Variants in EPB41L5 observed in about 807,000 individuals in gnomAD.
EPB41L5 encodes the protein erythrocyte membrane protein band 4.1 like 5.
A neutral mutation model predicts 106.6 loss-of-function variants in EPB41L5; 55 were observed. The observed-to-expected ratio is 0.52, with a 90% CI of 0.42 to 0.65. The LOEUF (loss-of-function observed/expected upper bound fraction) is 0.65, where lower values mean the gene tolerates loss of function less well. Ranked by LOEUF, EPB41L5 falls within the 30% of genes least tolerant of loss-of-function variation. The pLI is 0.00. For synonymous variants in EPB41L5, 297 were observed against 306.7 expected (o/e 0.97, Z 0.33); for missense variants, 871 against 882.1 (o/e 0.99, Z 0.16).
chr2:120,140,359 CTGATG>C (rs1259166975), intron 18 of EPB41L5, among the ~76,000 whole-genome samples: 2 of 151,878 alleles, frequency 1.3e-5, no homozygotes, highest in African/African-American at 4.8e-5. Context: ...TCCATTTACC[CTGATG>C]TGATGATTAC....
intron 2 of EPB41L5, among the ~76,000 whole-genome samples, chr2:120,035,617 G>A (rs1269803863): frequency 6.6e-6 from 1 of 152,196 alleles, no homozygotes; most frequent in Non-Finnish European, 1.5e-5. Flanking sequence ...CTGTAGTGCA[G>A]TCTTCACACC....
intron 14 of EPB41L5, among the ~76,000 whole-genome samples, chr2:120,098,832 T>A (rs898027041): frequency 2.0e-5 from 3 of 152,208 alleles, no homozygotes; most frequent in African/African-American, 7.2e-5. Context: ...CAGGTAGCGG[T>A]TTTTTGCTCT....
chr2:120,083,784 C>G (rs1409095754), intron 10 of EPB41L5, among the ~76,000 whole-genome samples: 1 of 152,130 alleles, frequency 6.6e-6, no homozygotes, highest in African/African-American at 2.4e-5. Flanking sequence ...CTGGGTGCTC[C>G]TGTATTGGGT....
At chr2:120,131,224 A>G (rs537891068) in intron 17 of EPB41L5, among the ~76,000 whole-genome samples, 12 of 152,340 alleles carry the variant, frequency 7.9e-5, no homozygotes, top group Admixed American at 6.5e-4. Flanking sequence ...GTCAGGGCCA[A>G]CGAACAAAGA....
intron 2 of EPB41L5, among the ~76,000 whole-genome samples, chr2:120,028,504 C>G (rs886392061): frequency 1.4e-4 from 22 of 152,018 alleles, no homozygotes; most frequent in African/African-American, 5.3e-4. Flanking sequence ...CCACTGCACT[C>G]CCGTGTGGGC....
chr2:120,109,201 C>G (rs2084172), intron 16 of EPB41L5, among the ~76,000 whole-genome samples: 1 of 151,938 alleles, frequency 6.6e-6, no homozygotes, highest in Non-Finnish European at 1.5e-5. Flanking sequence ...CTGCATATAG[C>G]TGGTGAATGT....
At chr2:120,021,991 G>T (rs1418818298) in intron 2 of EPB41L5, among the ~76,000 whole-genome samples, 1 of 151,964 alleles carries the variant, frequency 6.6e-6, no homozygotes, top group African/African-American at 2.4e-5. Context: ...AATTAAATAG[G>T]GTGAGAAGGC....
At chr2:120,049,089 G>A (rs541122895) in intron 3 of EPB41L5, among the ~76,000 whole-genome samples, 1 of 152,170 alleles carries the variant, frequency 6.6e-6, no homozygotes, top group Non-Finnish European at 1.5e-5. Context: ...CAACTATGTG[G>A]TCAGTTTTGG....
chr2:120,084,908 T>C (rs1274003496), intron 10 of EPB41L5, among the ~76,000 whole-genome samples: 1 of 152,236 alleles, frequency 6.6e-6, no homozygotes, highest in African/African-American at 2.4e-5. Context: ...TTTCTTCCAG[T>C]TGATCAAATC....
chr2:120,041,990 T>TCAGAAA lies in EPB41L5; in HGVS notation c.181-16_181-15insCAGAAA. 6.3e-7 allele frequency: 1 copy of TCAGAAA among 1,581,764 alleles called. No homozygotes were observed. Among genetic ancestry groups the TCAGAAA allele is most frequent in the African/African-American group, 1.3e-5 (1 of 74,330 alleles). ...ATAAACCACTTATTGATTTACTTAT[T>TCAGAAA]ATCTTGCCATTTCAGAAAAAAGCCA... is the stretch of plus-strand genomic sequence containing the variant. On this transcript the variant is annotated splice_polypyrimidine_tract_variant and intron_variant, in intron 2 of 24. Transcript: ENST00000263713.
At chr2:120,094,990 T>C (rs1683648777) in intron 14 of EPB41L5, among the ~76,000 whole-genome samples, 1 of 152,222 alleles carries the variant, frequency 6.6e-6, no homozygotes, top group Admixed American at 6.5e-5. Flanking sequence ...AAATAGTTTA[T>C]GTGTACTTAA....
intron 16 of EPB41L5, chr2:120,108,073 C>T (rs2105419709): frequency 6.6e-6 from 1 of 152,012 alleles, no homozygotes; most frequent in Non-Finnish European, 1.5e-5. Flanking sequence ...ACAATTGTTC[C>T]TGTTCTTCCT....
At chr2:120,121,271 G>T (rs1685203528) in intron 16 of EPB41L5, among the ~76,000 whole-genome samples, 1 of 152,108 alleles carries the variant, frequency 6.6e-6, no homozygotes, top group South Asian at 2.1e-4. Context: ...TGATACGTAG[G>T]TATACTTGTG....
intron 16 of EPB41L5, among the ~76,000 whole-genome samples, chr2:120,114,903 T>C (rs1349699041): frequency 6.6e-6 from 1 of 152,236 alleles, no homozygotes; most frequent in Non-Finnish European, 1.5e-5. Context: ...GTTGTCTATC[T>C]CTAAACTTCT....
chr2:120,146,113 T>C, intron 19 of EPB41L5, 112 bp from the exon 20 acceptor site: 4 of 683,190 alleles, frequency 5.9e-6, no homozygotes, highest in Non-Finnish European at 1.0e-5. Context: ...TTACCTCTTA[T>C]TTTAATTAAA....
intron 3 of EPB41L5, among the ~76,000 whole-genome samples, chr2:120,050,469 A>G (rs558604992): frequency 6.6e-6 from 1 of 152,294 alleles, no homozygotes; most frequent in South Asian, 2.1e-4. Context: ...AAGCTTGTGC[A>G]TGCATCACGT....
intron 22 of EPB41L5, 41 bp from the exon 23 acceptor site, chr2:120,167,425 T>A: frequency 6.5e-7 from 1 of 1,543,816 alleles, no homozygotes; most frequent in Non-Finnish European, 9.0e-7. Context: ...AATAAGTCAG[T>A]CTTTCCAAAA....
In EPB41L5 at chr2:120,075,573, A is replaced by T; in HGVS notation, c.452+53A>T. On this transcript the variant is annotated intron_variant, in intron 6 of 24. Transcript: ENST00000263713. ...GCACATTTTCGTGAGTGGTTGAAAA[A>T]TTATTTTGAAAATAAGTTTATAGTT... 8.3e-6 allele frequency: 12 copies of T among 1,443,502 alleles called. No individual in the cohort carries two copies. The South Asian group carries it at 1.4e-4, about 17-fold the overall frequency. 89.4% of individuals were successfully genotyped at this position (1,443,502 alleles called of 1,614,324 possible). A position where few individuals can be genotyped will look rare whatever the true frequency, so the allele number is the denominator to read the frequency against.
At chr2:120,082,587 C>A (rs950930506) in intron 10 of EPB41L5, among the ~76,000 whole-genome samples, 1 of 152,056 alleles carries the variant, frequency 6.6e-6, no homozygotes, top group South Asian at 2.1e-4. Context: ...TGTGTCTCTG[C>A]CAGGCTTTGG....
Sources: gnomAD v4.1 joint callset for allele counts (sites outside exome capture counted in the v4.1 genomes callset) on GRCh38, gnomAD v4.1.1 for gene constraint, MANE v1.5 for transcripts, NCBI Gene and HGNC (gene_info 2026-07-23, HGNC 2026-07-21) for gene names.